The following TAC4 variants were observed in gnomAD, a reference collection of about 807,000 sequenced individuals.
TAC4 encodes the protein tachykinin precursor 4.
Under a neutral mutation model 17.7 loss-of-function variants are expected in TAC4, and 17 were observed. The ratio of observed to expected loss-of-function variants is 0.96; its 90% CI spans 0.66 to 1.44. The LOEUF is 1.44. Among genes scored for constraint, TAC4 ranks in the 40% most tolerant of loss-of-function variants. TAC4 has a pLI of 0.00. For synonymous variants in TAC4, 62 were observed against 52.4 expected, an observed-to-expected ratio of 1.18 and a Z score of -0.79; for missense variants, 118 against 125.6, an observed-to-expected ratio of 0.94 and a Z score of 0.29.
intron 2 of TAC4, among the ~76,000 whole-genome samples, chr17:49,842,555 C>T (rs1211705249): frequency 1.3e-5 from 2 of 151,770 alleles, no homozygotes; most frequent in African/African-American, 2.4e-5. Context: ...TTTGAAATGG[C>T]TCAGTTCAGA....
Position 49,839,889 on chromosome 17 carries a change from A to AC in TAC4, c.252dup (p.Phe85ValfsTer18), listed in dbSNP as rs1268389396. The AC allele has an allele frequency of 1.2e-6, 2 of 1,612,434 alleles. No individual in the cohort carries two copies. The highest frequency in any genetic ancestry group is 1.7e-6 in the Non-Finnish European group (2 of 1,179,274). On this transcript the variant is annotated frameshift_variant, in exon 4 of 5. Transcript: ENST00000436235. LOFTEE classifies it low-confidence loss of function (END_TRUNC). The stretch of plus-strand genomic sequence containing the variant: ...CTTCTCTTGCCCAGGAGGCCCTGGA[A>AC]CGTGTGTTCCAGCTGATATGCTGGT...
At chr17:49,847,327 T>C (rs1384028725) in intron 1 of TAC4, 1 of 1,188,752 alleles carries the variant, frequency 8.4e-7, no homozygotes, top group East Asian at 5.8e-5. Flanking sequence ...CCCAATCAGA[T>C]TGTCAGGCAG....
At chr17:49,846,097 C>T in intron 1 of TAC4, 3 of 702,946 alleles carry the variant, frequency 4.3e-6, no homozygotes, top group Non-Finnish European at 6.1e-6. Flanking sequence ...GTTTCTGTGC[C>T]TGGTGGGGGG....
chr17:49,844,885 A>C, intron 1 of TAC4, among the ~76,000 whole-genome samples: 1 of 152,220 alleles, frequency 6.6e-6, no homozygotes, highest in Non-Finnish European at 1.5e-5. Flanking sequence ...CAACCACCAT[A>C]ACTAGTAGAA....
At position 49,844,089 on chromosome 17, in the gene TAC4, A is replaced by G. The variant is rs550066636; in HGVS notation, c.174T>C (p.Phe58=). 891 of 1,613,968 alleles carry G rather than the reference A, an allele frequency of 5.5e-4. 17 individuals carry two copies. In the South Asian group the frequency reaches 8.4e-3, roughly 15 times the overall value. ...EVKTGKASQF[F]GLMGKRVGGR... ...CTCCCACTCGCTTCCCCATCAGCCC[A>G]AAGAACTGGCTTGCCTTGCCCGTCT... Residue 58 remains phenylalanine (F), a synonymous_variant, in exon 2 of 5, where the codon TTT becomes TTC. Coordinates refer to ENST00000436235, the MANE Select transcript of TAC4 (RefSeq NM_001077506.2).
chr17:49,847,211 A>G, intron 1 of TAC4: 1 of 1,290,168 alleles, frequency 7.8e-7, no homozygotes, highest in Non-Finnish European at 1.0e-6. Flanking sequence ...CCCCCCTGGA[A>G]GCCTTCCCTG....
intron 2 of TAC4, among the ~76,000 whole-genome samples, chr17:49,841,908 T>G (rs1032885358): frequency 7.7e-6 from 1 of 130,296 alleles, no homozygotes; most frequent in African/African-American, 3.5e-5. Flanking sequence ...AATCTTTTTT[T>G]TTTTTTTTTT....
chr17:49,844,066 C>G lies in TAC4; in HGVS notation c.197G>C (p.Gly66Ala), dbSNP rs1301755595. 6.3e-7 allele frequency: 1 copy of G among 1,597,056 alleles called. No individual in the cohort carries two copies. The change falls in exon 2 of 5, where the codon GGA (glycine) becomes GCA (alanine). Residue 66 changes from glycine to alanine, a missense_variant and splice_region_variant. By Grantham distance (60) the Gly-to-Ala change is moderately conservative (BLOSUM62 0). Coordinates refer to ENST00000436235, the MANE Select transcript of TAC4 (RefSeq NM_001077506.2). ...QFFGLMGKRVGGRPLIQPRRK... is the reference protein window; with the variant it reads ...QFFGLMGKRVAGRPLIQPRRK... ...GCTCCATTGTCATTGTCACTCACCT[C>G]CCACTCGCTTCCCCATCAGCCCAAA...
At chr17:49,843,505 G>T (rs1408781999) in intron 2 of TAC4, among the ~76,000 whole-genome samples, 1 of 150,176 alleles carries the variant, frequency 6.7e-6, no homozygotes, top group South Asian at 2.1e-4. Flanking sequence ...CCACCCTTCA[G>T]GTGCCCGTGC....
At chr17:49,844,919 C>T (rs1053674159) in intron 1 of TAC4, among the ~76,000 whole-genome samples, 5 of 152,346 alleles carry the variant, frequency 3.3e-5, no homozygotes, top group South Asian at 4.1e-4. Flanking sequence ...CCGGCCCCTG[C>T]ATTTTACAGA....
At chr17:49,847,224 C>G in intron 1 of TAC4, 1 of 1,290,170 alleles carries the variant, frequency 7.8e-7, no homozygotes, top group Non-Finnish European at 1.0e-6. Flanking sequence ...CTTCCCTGAG[C>G]ACTGGCCTCT....
Position 49,844,143 on chromosome 17 carries a change from G to A in TAC4, c.120C>T (p.Pro40=). ...TEAETWEGAG[P]SIQLQLQEVK... The stretch of plus-strand genomic sequence containing the variant: ...CCTCCTGCAGCTGGAGCTGAATGCT[G>A]GGGCCAGCGCCTTCCTGAAGAAGCA... Residue 40 remains proline (P), a synonymous_variant, in exon 2 of 5, where the codon CCC becomes CCT. Coordinates refer to ENST00000436235, the MANE Select transcript of TAC4 (RefSeq NM_001077506.2). The A allele has an allele frequency of 1.2e-6, 2 of 1,613,836 alleles. No homozygotes were observed. Among genetic ancestry groups the A allele is most frequent in the Non-Finnish European group, 1.7e-6 (2 of 1,179,768 alleles).
At chr17:49,839,289 G>A (rs944347628) in intron 4 of TAC4, among the ~76,000 whole-genome samples, 13 of 152,184 alleles carry the variant, frequency 8.5e-5, no homozygotes, top group Non-Finnish European at 1.8e-4. Context: ...CACTTGAGCT[G>A]TGACCTTTCC....
intron 3 of TAC4, 55 bp from the exon 4 acceptor site, chr17:49,839,964 T>C: frequency 6.3e-7 from 1 of 1,581,972 alleles, no homozygotes; most frequent in Non-Finnish European, 8.7e-7. Flanking sequence ...GTAGGCTGTT[T>C]TGGGAACCAG....
chr17:49,841,681 T>C (rs2144039047), intron 2 of TAC4, 97 bp from the exon 3 acceptor site: 1 of 1,261,750 alleles, frequency 7.9e-7, no homozygotes. Context: ...GGTTGGTGCA[T>C]TGGTGGGTCT....
At chr17:49,844,209 G>T in intron 1 of TAC4, 52 bp from the exon 2 acceptor site, 1 of 1,580,694 alleles carries the variant, frequency 6.3e-7, no homozygotes, top group Non-Finnish European at 8.7e-7. Context: ...CAGCAGACGG[G>T]AGGCCAGCCT....
rs1026237623 is a variant in TAC4 at position 49,846,262 on chromosome 17, C to G, written c.105+1651G>C. 23 of 1,276,634 alleles carry G rather than the reference C, an allele frequency of 1.8e-5. No homozygotes were observed. In the African/African-American group the frequency reaches 2.4e-4, roughly 13 times the overall value. 79.1% of individuals were successfully genotyped at this position (1,276,634 alleles called of 1,614,324 possible). ...GGGAGGTAAGTGATGCGATCATGCC[C>G]CATTCCTGTTACCTCATTTTTTTTT... On this transcript the variant is annotated intron_variant, in intron 1 of 4. Transcript: ENST00000436235.
intron 1 of TAC4, among the ~76,000 whole-genome samples, chr17:49,846,691 T>G (rs1261978475): frequency 6.6e-6 from 1 of 152,074 alleles, no homozygotes; most frequent in Non-Finnish European, 1.5e-5. Flanking sequence ...GATGTGATAT[T>G]AAAGGAGAGT....
chr17:49,847,844 C>G, intron 1 of TAC4, 69 bp downstream of exon 1: 1 of 1,611,484 alleles, frequency 6.2e-7, no homozygotes, highest in Non-Finnish European at 8.5e-7. Flanking sequence ...TCTTCTGCCT[C>G]TGCACTGCCG....
Sources: allele counts gnomAD v4.1 joint callset (sites outside exome capture counted in the v4.1 genomes callset), GRCh38; gene constraint gnomAD v4.1.1; transcripts MANE v1.5; gene names NCBI Gene and HGNC (gene_info 2026-07-23, HGNC 2026-07-21).